Variants in LHFPL3 observed in about 807,000 individuals in gnomAD.
LHFPL3 encodes the protein LHFPL tetraspan subfamily member 3, also known as LHFPL tetraspan subfamily member 3 protein.
LHFPL3 carries 5 observed loss-of-function variants against 19.3 expected under a neutral mutation model. The observed-to-expected ratio is 0.26, with a 90% CI of 0.14 to 0.54. LHFPL3 has a LOEUF of 0.54. Ranked by LOEUF, LHFPL3 falls within the 20% of genes least tolerant of loss-of-function variation. The pLI, the probability that LHFPL3 is intolerant of heterozygous loss-of-function variation, is 0.94. For synonymous variants in LHFPL3, 133 were observed against 126.2 expected, an observed-to-expected ratio of 1.05 and a Z score of -0.36; for missense variants, 249 against 307.4, an observed-to-expected ratio of 0.81 and a Z score of 1.42.
intron 1 of LHFPL3, among the ~76,000 whole-genome samples, chr7:104,336,175 G>A (rs576566431): frequency 1.4e-4 from 21 of 152,226 alleles, no homozygotes; most frequent in East Asian, 1.4e-3. Context: ...GAAAGACCAA[G>A]GAGCTGACCT....
At chr7:104,391,666 G>A (rs191258371) in intron 1 of LHFPL3, among the ~76,000 whole-genome samples, 8 of 152,190 alleles carry the variant, frequency 5.3e-5, no homozygotes, top group African/African-American at 1.2e-4. Context: ...TTGACAATGC[G>A]GGCCCTTTTT....
At chr7:104,671,132 A>G (rs377498937) in intron 1 of LHFPL3, among the ~76,000 whole-genome samples, 1 of 152,108 alleles carries the variant, frequency 6.6e-6, no homozygotes, top group South Asian at 2.1e-4. Flanking sequence ...CATAATGAAT[A>G]TAATTTACCC....
chr7:104,454,671 A>G (rs1792506306), intron 1 of LHFPL3, among the ~76,000 whole-genome samples: 1 of 152,162 alleles, frequency 6.6e-6, no homozygotes, highest in South Asian at 2.1e-4. Flanking sequence ...GGGGTAAATC[A>G]ATGAGATCCC....
At chr7:104,418,062 G>A (rs1025791873) in intron 1 of LHFPL3, among the ~76,000 whole-genome samples, 1 of 151,708 alleles carries the variant, frequency 6.6e-6, no homozygotes, top group African/African-American at 2.4e-5. Context: ...TTTTAGTAGA[G>A]ACAGGGTTTC....
intron 2 of LHFPL3, among the ~76,000 whole-genome samples, chr7:104,762,216 G>C (rs1794382782): frequency 6.6e-6 from 1 of 152,148 alleles, no homozygotes; most frequent in Non-Finnish European, 1.5e-5. Context: ...GAAGATGGCA[G>C]ATGTAGGTAG....
intron 1 of LHFPL3, among the ~76,000 whole-genome samples, chr7:104,488,307 A>C (rs752850481): frequency 6.6e-6 from 1 of 152,094 alleles, no homozygotes; most frequent in Non-Finnish European, 1.5e-5. Context: ...CTTCCAAGAG[A>C]AGAGGTAGAA....
intron 2 of LHFPL3, among the ~76,000 whole-genome samples, chr7:104,762,592 A>G (rs959038999): frequency 2.0e-5 from 3 of 152,188 alleles, no homozygotes; most frequent in Admixed American, 2.0e-4. Context: ...ACCAAAAGTG[A>G]AGCTTCAGAA....
chr7:104,337,174 AAAAC>A lies in LHFPL3; in HGVS notation c.445+7961_445+7964del, dbSNP rs140335908. 1.7e-3 allele frequency among the ~76,000 whole-genome samples: 263 copies of A among 152,272 alleles called. 1 individual carries two copies. In the East Asian group the frequency reaches 0.042, roughly 24 times the overall value. ...TATAATTGACAGAAGGCTCAGTATTAAAACAAACAAACAACAACAACAACAACAA... is the reference window on the plus strand; with the variant it reads ...TATAATTGACAGAAGGCTCAGTATTAAAACAAACAACAACAACAACAACAA... On this transcript the variant is annotated intron_variant, in intron 1 of 2. Transcript: ENST00000424859.
At chr7:104,371,501 G>A (rs113427651) in intron 1 of LHFPL3, among the ~76,000 whole-genome samples, 1,653 of 152,236 alleles carry the variant, frequency 0.011, 40 homozygotes, top group African/African-American at 0.037. Context: ...CTACTTTTTA[G>A]ATTGCTTTCT....
intron 1 of LHFPL3, among the ~76,000 whole-genome samples, chr7:104,424,824 T>G (rs1441080246): frequency 1.3e-5 from 2 of 151,542 alleles, no homozygotes; most frequent in African/African-American, 4.8e-5. Context: ...ACCCTGTCTC[T>G]ACAAAAAATT....
chr7:104,453,911 G>T lies in LHFPL3; in HGVS notation c.445+124687G>T, dbSNP rs1216977741. Among the ~76,000 whole-genome samples the T allele has an allele frequency of 2.0e-5, 3 of 152,288 alleles. No homozygotes were observed. In the East Asian group the frequency reaches 5.8e-4, roughly 29 times the overall value. Reference sequence around the variant, plus strand: ...ATTGTAAGCTTCCTGAAGCCTCCCTGGAAGCAGAGCAGATGCCAGCACTGT... The same window carrying T: ...ATTGTAAGCTTCCTGAAGCCTCCCTTGAAGCAGAGCAGATGCCAGCACTGT... On this transcript the variant is annotated intron_variant, in intron 1 of 2. Coordinates refer to ENST00000424859, the MANE Select transcript of LHFPL3 (RefSeq NM_199000.3).
intron 1 of LHFPL3, among the ~76,000 whole-genome samples, chr7:104,525,610 T>G (rs1445202708): frequency 1.8e-5 from 2 of 114,058 alleles, no homozygotes; most frequent in African/African-American, 6.8e-5. Flanking sequence ...TTTTGGGTTT[T>G]TTTTTTTTTT....
At chr7:104,410,447 A>G (rs1791515547) in intron 1 of LHFPL3, among the ~76,000 whole-genome samples, 1 of 152,160 alleles carries the variant, frequency 6.6e-6, no homozygotes. Flanking sequence ...TGTCTGTTTT[A>G]CCCATTGAAG....
intron 1 of LHFPL3, among the ~76,000 whole-genome samples, chr7:104,449,388 A>G (rs1012171068): frequency 1.3e-5 from 2 of 152,204 alleles, no homozygotes; most frequent in African/African-American, 4.8e-5. Flanking sequence ...TATTGAGTAC[A>G]GGTGTGGCAA....
intron 2 of LHFPL3, among the ~76,000 whole-genome samples, chr7:104,808,445 G>A (rs1026663058): frequency 6.6e-6 from 1 of 152,160 alleles, no homozygotes; most frequent in Non-Finnish European, 1.5e-5. Context: ...TCTGTGACTG[G>A]CCTACTTAGG....
chr7:104,346,713 A>C (rs1040080401), intron 1 of LHFPL3, among the ~76,000 whole-genome samples: 1 of 152,164 alleles, frequency 6.6e-6, no homozygotes, highest in East Asian at 1.9e-4. Flanking sequence ...ATGAAATAAT[A>C]GAAATACTGT....
In LHFPL3 at chr7:104,559,364, G is replaced by T. The variant is rs1789934170; in HGVS notation, c.446-177311G>T. Among the ~76,000 whole-genome samples, 10 of 150,464 alleles carry T rather than the reference G, an allele frequency of 6.6e-5. No individual in the cohort carries two copies. In the South Asian group the frequency reaches 1.9e-3, roughly 29 times the overall value. Reference sequence around the variant, plus strand: ...ATCCTCTTTTATTTCGTTGAGCAGTGGTTTGTAGTTCTCCTTGAAGAGGTC... The same window carrying T: ...ATCCTCTTTTATTTCGTTGAGCAGTTGTTTGTAGTTCTCCTTGAAGAGGTC... On this transcript the variant is annotated intron_variant, in intron 1 of 2. Transcript: ENST00000424859.
chr7:104,612,868 C>A (rs979102782), intron 1 of LHFPL3, among the ~76,000 whole-genome samples: 9 of 152,188 alleles, frequency 5.9e-5, no homozygotes, highest in Non-Finnish European at 1.0e-4. Flanking sequence ...TGTCAATTAA[C>A]CTGTGACATT....
chr7:104,752,900 C>G (rs1159269409), intron 2 of LHFPL3: 1 of 340,408 alleles, frequency 2.9e-6, no homozygotes, highest in African/African-American at 2.1e-5. Context: ...CTCACAGCCT[C>G]TCTACCATCA....
Sources: allele counts gnomAD v4.1 joint callset (sites outside exome capture counted in the v4.1 genomes callset), GRCh38; gene constraint gnomAD v4.1.1; transcripts MANE v1.5; gene names NCBI Gene and HGNC (gene_info 2026-07-23, HGNC 2026-07-21).